The following NRG1 variants were observed in gnomAD, a reference collection of about 807,000 sequenced individuals.
The protein encoded by NRG1 is pro-neuregulin-1, membrane-bound isoform.
In NRG1, 18 loss-of-function variants were observed where a neutral mutation model predicts 63.8. That is an observed-to-expected ratio of 0.28 (90% CI 0.19 to 0.42). The LOEUF (loss-of-function observed/expected upper bound fraction) is 0.42. Ranked by LOEUF, NRG1 falls within the 10% of genes least tolerant of loss-of-function variation. NRG1 has a pLI of 1.00. For synonymous variants in NRG1, 302 were observed against 301.3 expected (o/e 1.00, Z -0.02); for missense variants, 762 against 814.7 (o/e 0.94, Z 0.79).
chr8:31,843,118 G>GA (rs71208146), intron 1 of NRG1, among the ~76,000 whole-genome samples: 21,579 of 148,038 alleles, frequency 0.15, 1,649 homozygotes, highest in Middle Eastern at 0.18. Flanking sequence ...TTGCCATAAA[G>GA]AAAAAAAAAA....
intron 1 of NRG1, among the ~76,000 whole-genome samples, chr8:31,753,512 T>A (rs962756680): frequency 6.6e-6 from 1 of 152,078 alleles, no homozygotes; most frequent in African/African-American, 2.4e-5. Context: ...TTACTTCTTT[T>A]AAAAAGTAAA....
At chr8:31,813,607 A>G (rs1339909950) in intron 1 of NRG1, among the ~76,000 whole-genome samples, 1 of 148,136 alleles carries the variant, frequency 6.8e-6, no homozygotes, top group Non-Finnish European at 1.5e-5. Context: ...CTGCAATCTC[A>G]ACCTCCTGGG....
chr8:32,169,973 A>G (rs1428662136), intron 1 of NRG1, among the ~76,000 whole-genome samples: 2 of 152,210 alleles, frequency 1.3e-5, no homozygotes, highest in Non-Finnish European at 2.9e-5. Context: ...AAGAGAAAAG[A>G]CAACGTAAAG....
At chr8:31,818,330 A>G (rs948395470) in intron 1 of NRG1, among the ~76,000 whole-genome samples, 3 of 152,186 alleles carry the variant, frequency 2.0e-5, no homozygotes, top group African/African-American at 7.2e-5. Context: ...TCTCCCATCA[A>G]ATAGGTTTTA....
chr8:32,322,149 A>C (rs1475484515), intron 1 of NRG1, among the ~76,000 whole-genome samples: 1 of 151,910 alleles, frequency 6.6e-6, no homozygotes, highest in Non-Finnish European at 1.5e-5. Flanking sequence ...GTGAATGGCC[A>C]CTGTACTCCA....
intron 1 of NRG1, among the ~76,000 whole-genome samples, chr8:32,186,511 A>G (rs1170110724): frequency 2.0e-5 from 3 of 152,104 alleles, no homozygotes; most frequent in Non-Finnish European, 4.4e-5. Context: ...AAAGAAAGAA[A>G]GAAATGATTC....
At chr8:32,283,707 T>C (rs1241119451) in intron 1 of NRG1, among the ~76,000 whole-genome samples, 1 of 152,146 alleles carries the variant, frequency 6.6e-6, no homozygotes, top group East Asian at 1.9e-4. Flanking sequence ...TAATAGGGGG[T>C]AGAGAAACAG....
intron 1 of NRG1, among the ~76,000 whole-genome samples, chr8:32,110,685 A>C (rs1308126535): frequency 1.3e-5 from 2 of 152,156 alleles, no homozygotes; most frequent in African/African-American, 4.8e-5. Flanking sequence ...TGAATGATGT[A>C]CTTGACAGAT....
At chr8:32,019,141 C>G (rs1181085610) in intron 1 of NRG1, among the ~76,000 whole-genome samples, 1 of 152,190 alleles carries the variant, frequency 6.6e-6, no homozygotes, top group African/African-American at 2.4e-5. Context: ...CTCTATAACC[C>G]AGGCTGGAGT....
intron 1 of NRG1, among the ~76,000 whole-genome samples, chr8:32,230,773 T>C (rs1175592347): frequency 1.1e-5 from 1 of 94,476 alleles, no homozygotes; most frequent in African/African-American, 4.4e-5. Flanking sequence ...TATATATACA[T>C]GGGGTACATG....
At position 32,276,811 on chromosome 8, in the gene NRG1, A is replaced by G. The variant is rs549499672; in HGVS notation, c.38-319017A>G. On this transcript the variant is annotated intron_variant, in intron 1 of 10. Coordinates refer to the NRG1 transcript ENST00000519301. ...CTGTGAAAATAGGGCAAGGGAGGAAATAGGAGACCTCCTGGGAGATAACTG... is the reference window on the plus strand; with the variant it reads ...CTGTGAAAATAGGGCAAGGGAGGAAGTAGGAGACCTCCTGGGAGATAACTG... 1.7e-3 allele frequency among the ~76,000 whole-genome samples: 257 copies of G among 152,320 alleles called. 2 individuals carry two copies. Among genetic ancestry groups the G allele is most frequent in the South Asian group, 7.5e-3 (36 of 4,826 alleles).
intron 1 of NRG1, among the ~76,000 whole-genome samples, chr8:31,909,952 G>A (rs1832808663): frequency 1.3e-5 from 2 of 152,182 alleles, no homozygotes; most frequent in Admixed American, 1.3e-4. Context: ...TGGCAGATGT[G>A]GCATTTATGC....
intron 1 of NRG1, among the ~76,000 whole-genome samples, chr8:31,872,309 A>G (rs1359954122): frequency 1.3e-5 from 2 of 151,762 alleles, no homozygotes; most frequent in East Asian, 3.9e-4. Context: ...TTATCCTTTT[A>G]CCATTTTTTT....
chr8:32,683,453 A>G lies in NRG1; in HGVS notation c.503-44496A>G, dbSNP rs145063657. ...TCTCCCTCTAACAAAAGAGATGGAA[A>G]GGGTGGAATCACCAAACAGAGTGCA... On this transcript the variant is annotated intron_variant, in intron 5 of 11. Coordinates refer to ENST00000356819, the Ensembl canonical transcript of NRG1. Among the ~76,000 whole-genome samples the G allele has an allele frequency of 1.6e-4, 25 of 152,340 alleles. 1 individual carries two copies. The highest frequency in any genetic ancestry group is 6.0e-4 in the African/African-American group (25 of 41,590).
intron 1 of NRG1, among the ~76,000 whole-genome samples, chr8:31,986,381 C>T (rs76011063): frequency 0.013 from 2,038 of 152,114 alleles, 46 homozygotes; most frequent in African/African-American, 0.044. Flanking sequence ...TACATTGCCT[C>T]ATGTAGACTT....
chr8:32,420,180 A>T (rs1816515563), intron 1 of NRG1, among the ~76,000 whole-genome samples: 1 of 152,208 alleles, frequency 6.6e-6, no homozygotes, highest in Admixed American at 6.5e-5. Context: ...CAGCTGGAAG[A>T]AGCCAAGTGC....
chr8:32,062,342 T>G (rs4733107), intron 1 of NRG1, among the ~76,000 whole-genome samples: 51,153 of 151,994 alleles, frequency 0.34, 9,236 homozygotes, highest in East Asian at 0.67. Context: ...ACTGAATCAA[T>G]AGGATCTCCT....
chr8:31,696,091 A>C (rs1005495678), intron 1 of NRG1, among the ~76,000 whole-genome samples: 6 of 152,210 alleles, frequency 3.9e-5, no homozygotes, highest in African/African-American at 1.4e-4. Flanking sequence ...TTTTCAAGAC[A>C]AAGTCTTACT....
chr8:32,158,249 A>G (rs904734097), intron 1 of NRG1, among the ~76,000 whole-genome samples: 1 of 151,752 alleles, frequency 6.6e-6, no homozygotes, highest in East Asian at 1.9e-4. Context: ...AGGGTTGGTC[A>G]TGGCTTTCTG....
Sources: gnomAD v4.1 joint callset for allele counts (sites outside exome capture counted in the v4.1 genomes callset) on GRCh38, gnomAD v4.1.1 for gene constraint, MANE v1.5 for transcripts, NCBI Gene and HGNC (gene_info 2026-07-23, HGNC 2026-07-21) for gene names.